The following COL4A1 variants were observed in gnomAD, a reference collection of about 807,000 sequenced individuals.
COL4A1 encodes the protein collagen alpha-1(IV) chain.
COL4A1 carries 40 observed loss-of-function variants against 216.6 expected under a neutral mutation model. That is an observed-to-expected ratio of 0.18 (90% CI 0.14 to 0.24). The LOEUF (loss-of-function observed/expected upper bound fraction) is 0.24, where lower values mean the gene tolerates loss of function less well. COL4A1 is among the 10% of genes least tolerant of loss of function. COL4A1 has a pLI of 1.00. For synonymous variants in COL4A1, 839 were observed against 810.7 expected (o/e 1.03, Z -0.59); for missense variants, 1,628 against 2,196.8 (o/e 0.74, Z 5.18).
chr13:110,235,908 A>T (rs2139237662), intron 2 of COL4A1, among the ~76,000 whole-genome samples: 1 of 152,294 alleles, frequency 6.6e-6, no homozygotes, highest in East Asian at 1.9e-4. Context: ...AAATTAGAGG[A>T]AAGATCATGG....
At chr13:110,287,643 C>T (rs990695583) in intron 1 of COL4A1, among the ~76,000 whole-genome samples, 1 of 152,240 alleles carries the variant, frequency 6.6e-6, no homozygotes, top group African/African-American at 2.4e-5. Context: ...GCCGGCACGT[C>T]CTTGAGCGCC....
At chr13:110,187,057 T>C in intron 25 of COL4A1, 81 bp downstream of exon 25, 2 of 1,523,216 alleles carry the variant, frequency 1.3e-6, no homozygotes, top group Non-Finnish European at 1.8e-6. Context: ...AATACATCAA[T>C]ATGATTCAAA....
chr13:110,203,252 T>C (rs80179592), intron 18 of COL4A1, among the ~76,000 whole-genome samples: 237 of 152,250 alleles, frequency 1.6e-3, no homozygotes, highest in Non-Finnish European at 2.6e-3. Context: ...AATATTCTCA[T>C]TCATGTGCAA....
chr13:110,228,292 T>C (rs1880844291), intron 2 of COL4A1, among the ~76,000 whole-genome samples: 1 of 151,928 alleles, frequency 6.6e-6, no homozygotes, highest in African/African-American at 2.4e-5. Context: ...AAAGAACATG[T>C]GTGTTCTTCT....
intron 1 of COL4A1, among the ~76,000 whole-genome samples, chr13:110,266,778 T>A (rs1322726641): frequency 6.6e-6 from 1 of 152,086 alleles, no homozygotes; most frequent in Non-Finnish European, 1.5e-5. Flanking sequence ...CAACTTAATC[T>A]CAAATGGCAC....
intron 1 of COL4A1, among the ~76,000 whole-genome samples, chr13:110,255,367 C>G (rs532149286): frequency 6.6e-6 from 1 of 150,696 alleles, no homozygotes; most frequent in East Asian, 2.0e-4. Flanking sequence ...CTTGCAAGGA[C>G]GTCCTTGCCC....
chr13:110,298,136 G>T (rs1251170722), intron 1 of COL4A1, among the ~76,000 whole-genome samples: 1 of 152,006 alleles, frequency 6.6e-6, no homozygotes, highest in Non-Finnish European at 1.5e-5. Flanking sequence ...ATGAATTATA[G>T]AATTTTTTAA....
intron 2 of COL4A1, among the ~76,000 whole-genome samples, chr13:110,236,355 T>C (rs1483793808): frequency 6.6e-6 from 1 of 152,264 alleles, no homozygotes; most frequent in African/African-American, 2.4e-5. Flanking sequence ...TTTCTTCTTA[T>C]TTTGTATGTC....
rs180961083 is a variant in COL4A1 at position 110,232,168 on chromosome 13, A to C, written c.144+10507T>G. The stretch of plus-strand genomic sequence containing the variant: ...GGGCCAGTTAGCATTAAACTCATAA[A>C]ACTATGTGACGAACCAAAGCTAAGC... On this transcript the variant is annotated intron_variant, in intron 2 of 51. Transcript: ENST00000375820. Among the ~76,000 whole-genome samples, 77 of 152,288 alleles carry C rather than the reference A, an allele frequency of 5.1e-4. 2 individuals carry two copies. The highest frequency in any genetic ancestry group is 3.9e-3 in the Admixed American group (60 of 15,306).
At position 110,194,273 on chromosome 13, in the gene COL4A1, C is replaced by T. The variant is rs114197464; in HGVS notation, c.1381+750G>A. ...TTCCATGCATCATTTCTGTCTTACACATTTGAAGACTAAAACATGTTTACA... is the reference window on the plus strand; with the variant it reads ...TTCCATGCATCATTTCTGTCTTACATATTTGAAGACTAAAACATGTTTACA... On this transcript the variant is annotated intron_variant, in intron 22 of 51. Coordinates refer to ENST00000375820, the MANE Select transcript of COL4A1 (RefSeq NM_001845.6). 5.2e-3 allele frequency among the ~76,000 whole-genome samples: 794 copies of T among 152,318 alleles called. 3 individuals are homozygous for T. The highest frequency in any genetic ancestry group is 8.4e-3 in the Non-Finnish European group (569 of 68,036).
intron 11 of COL4A1, 52 bp from the exon 12 acceptor site, chr13:110,208,942 A>G (rs758715066): frequency 1.3e-6 from 2 of 1,563,428 alleles, no homozygotes; most frequent in African/African-American, 2.7e-5. Context: ...CTTCGTTCAA[A>G]GTCATTCTAC....
intron 2 of COL4A1, among the ~76,000 whole-genome samples, chr13:110,235,446 C>A (rs1012485683): frequency 5.3e-5 from 8 of 151,992 alleles, no homozygotes; most frequent in South Asian, 2.1e-4. Flanking sequence ...GTCAGGAGAT[C>A]GAGACCTTCC....
At chr13:110,195,683 C>T (rs1290801434) in intron 21 of COL4A1, among the ~76,000 whole-genome samples, 4 of 152,196 alleles carry the variant, frequency 2.6e-5, no homozygotes, top group Admixed American at 6.5e-5. Context: ...AATGTACACA[C>T]CATCTGTCCT....
Position 110,307,126 on chromosome 13 carries a change from G to C in COL4A1, c.-99C>G, listed in dbSNP as rs1386648060. The C allele has an allele frequency of 1.0e-6, 1 of 971,254 alleles. No homozygotes were observed. The highest frequency in any genetic ancestry group is 3.4e-5 in the East Asian group (1 of 29,676). 60.2% of individuals were successfully genotyped at this position (971,254 alleles called of 1,614,324 possible). A position where few individuals can be genotyped will look rare whatever the true frequency, so the allele number is the denominator to read the frequency against. ...GGCCGGACTTCCAGCGCTACGCACC[G>C]TCCCGGGTGCGGCGGCTCCAAGCGG... On this transcript the variant is annotated 5_prime_UTR_variant, in exon 1 of 52. Coordinates refer to ENST00000375820, the MANE Select transcript of COL4A1 (RefSeq NM_001845.6). The surrounding 1 kb of genome is among the most constrained non-coding windows in gnomAD (Gnocchi z 5.0).
At chr13:110,237,114 G>C (rs948571699) in intron 2 of COL4A1, among the ~76,000 whole-genome samples, 1 of 152,198 alleles carries the variant, frequency 6.6e-6, no homozygotes, top group African/African-American at 2.4e-5. Context: ...TTAGAGAAAG[G>C]CTTCAGAAGG....
chr13:110,230,038 C>T (rs567508829), intron 2 of COL4A1, among the ~76,000 whole-genome samples: 4 of 152,208 alleles, frequency 2.6e-5, no homozygotes, highest in Admixed American at 1.3e-4. Flanking sequence ...CCAAGGGCAG[C>T]ACCCTCCAAA....
chr13:110,254,474 T>G (rs1471131152), intron 1 of COL4A1, among the ~76,000 whole-genome samples: 1 of 152,144 alleles, frequency 6.6e-6, no homozygotes, highest in East Asian at 1.9e-4. Flanking sequence ...TTTATCCCAC[T>G]GCGTTCCACC....
intron 4 of COL4A1, among the ~76,000 whole-genome samples, chr13:110,213,253 CA>C (rs938647952): frequency 1.2e-3 from 167 of 138,240 alleles, no homozygotes; most frequent in African/African-American, 4.2e-3. Context: ...CCACCTGTAC[CA>C]AAAAAAATTG....
intron 1 of COL4A1, among the ~76,000 whole-genome samples, chr13:110,269,234 T>C (rs1159828964): frequency 6.6e-6 from 1 of 152,224 alleles, no homozygotes; most frequent in Admixed American, 6.5e-5. Flanking sequence ...TTTTCTATTC[T>C]CCAGGGCTCG....
Sources: gnomAD v4.1 joint callset for allele counts (sites outside exome capture counted in the v4.1 genomes callset) on GRCh38, gnomAD v4.1.1 for gene constraint, Gnocchi (gnomAD v3.1) non-coding constraint, MANE v1.5 for transcripts, NCBI Gene and HGNC (gene_info 2026-07-23, HGNC 2026-07-21) for gene names.